CECR2: variants seen among roughly 807,000 people sequenced by gnomAD.
The protein encoded by CECR2 is CECR2 histone acetyl-lysine reader, also known as chromatin remodeling regulator CECR2.
Under a neutral mutation model 154.5 loss-of-function variants are expected in CECR2, and 30 were observed. That is an observed-to-expected ratio of 0.19 (90% CI 0.15 to 0.26). The LOEUF (loss-of-function observed/expected upper bound fraction) is 0.26, where lower values mean the gene tolerates loss of function less well. CECR2 is among the 10% of genes least tolerant of loss of function. CECR2 has a pLI of 1.00. For missense variants in CECR2, 1,743 were observed against 1,829.3 expected (o/e 0.95, Z 0.86); for synonymous variants, 725 against 683.7 (o/e 1.06, Z -0.94).
intron 1 of CECR2, among the ~76,000 whole-genome samples, chr22:17,416,598 T>C (rs1215467980): frequency 6.6e-6 from 1 of 152,108 alleles, no homozygotes; most frequent in African/African-American, 2.4e-5. Context: ...CTGTCTTGGG[T>C]TCAAGCAATT....
intron 1 of CECR2, among the ~76,000 whole-genome samples, chr22:17,390,237 G>T (rs560944894): frequency 6.6e-6 from 1 of 150,944 alleles, no homozygotes; most frequent in Non-Finnish European, 1.5e-5. Flanking sequence ...TCATTCTATT[G>T]ACGGTCCCTC....
intron 1 of CECR2, among the ~76,000 whole-genome samples, chr22:17,396,904 G>A (rs1194034090): frequency 1.3e-5 from 2 of 152,176 alleles, no homozygotes; most frequent in African/African-American, 2.4e-5. Context: ...GGATTTGAGA[G>A]TAGGAGACAG....
chr22:17,495,116 T>G (rs1002904280), intron 2 of CECR2, among the ~76,000 whole-genome samples: 8 of 152,230 alleles, frequency 5.3e-5, no homozygotes, highest in African/African-American at 1.9e-4. Context: ...AATTTTAAAA[T>G]GATACCAATA....
At chr22:17,376,056 C>CA (rs1230280211) in intron 1 of CECR2, among the ~76,000 whole-genome samples, 1 of 152,098 alleles carries the variant, frequency 6.6e-6, no homozygotes, top group Non-Finnish European at 1.5e-5. Flanking sequence ...TCTGCACCCT[C>CA]ACCAAGGAGG....
Position 17,495,104 on chromosome 22 carries a change from C to G in CECR2, c.222-2299C>G, listed in dbSNP as rs185403703. On this transcript the variant is annotated intron_variant, in intron 2 of 18. Coordinates refer to ENST00000262608, the MANE Select transcript of CECR2 (RefSeq NM_001290047.2). ...GATTATAAGTCAACATAGTAGTTGC[C>G]TAATTTTAAAATGATACCAATAACT... Among the ~76,000 whole-genome samples the G allele has an allele frequency of 1.6e-3, 250 of 152,268 alleles. 4 individuals carry two copies. The highest frequency in any genetic ancestry group is 4.0e-4 in the Non-Finnish European group (27 of 68,028).
chr22:17,506,225 A>G (rs55782745), intron 7 of CECR2, among the ~76,000 whole-genome samples: 1 of 151,850 alleles, frequency 6.6e-6, no homozygotes, highest in African/African-American at 2.4e-5. Flanking sequence ...CTGCAGCCTC[A>G]ATCTCCCAGG....
chr22:17,434,505 C>T lies in CECR2; in HGVS notation c.127-43083C>T, dbSNP rs555695774. ...GTGGCAGTACAGTAGGCCTTCTTCA[C>T]GGGCAACTTAAGTTAGTAGTCTAAC... On this transcript the variant is annotated intron_variant, in intron 1 of 18. Coordinates refer to ENST00000262608, the MANE Select transcript of CECR2 (RefSeq NM_001290047.2). 5.5e-4 allele frequency among the ~76,000 whole-genome samples: 83 copies of T among 152,264 alleles called. No individual in the cohort carries two copies. In the Middle Eastern group the frequency reaches 0.01, roughly 19 times the overall value.
At chr22:17,408,200 C>G (rs2054013657) in intron 1 of CECR2, among the ~76,000 whole-genome samples, 2 of 147,696 alleles carry the variant, frequency 1.4e-5, no homozygotes, top group African/African-American at 2.5e-5. Flanking sequence ...CTGTACCCCC[C>G]TCAGCCCCCT....
rs889223947 is a variant in CECR2 at position 17,430,254 on chromosome 22, C to T, written c.127-47334C>T. 3.9e-5 allele frequency among the ~76,000 whole-genome samples: 6 copies of T among 152,194 alleles called. No individual in the cohort carries two copies. The South Asian group carries it at 6.2e-4, about 16-fold the overall frequency. ...AGTACAGTTCTATATGAAAAATGCA[C>T]ATAACCTATACCCGCATTTGTTTAG... On this transcript the variant is annotated intron_variant, in intron 1 of 18. Coordinates refer to ENST00000262608, the MANE Select transcript of CECR2 (RefSeq NM_001290047.2).
intron 2 of CECR2, among the ~76,000 whole-genome samples, chr22:17,489,849 T>A (rs1333590540): frequency 3.9e-5 from 6 of 152,038 alleles, no homozygotes; most frequent in African/African-American, 1.4e-4. Flanking sequence ...TTCTCTTTTT[T>A]ATTTCCTCTG....
chr22:17,439,940 A>C (rs1184663470), intron 1 of CECR2, among the ~76,000 whole-genome samples: 2 of 152,196 alleles, frequency 1.3e-5, no homozygotes, highest in Non-Finnish European at 1.5e-5. Context: ...ATACCACTTG[A>C]CTTGGAGAGA....
chr22:17,402,827 G>A (rs1326004410), intron 1 of CECR2, among the ~76,000 whole-genome samples: 1 of 144,548 alleles, frequency 6.9e-6, no homozygotes, highest in Admixed American at 7.3e-5. Flanking sequence ...GCGCAATCTC[G>A]GCTCACTGCA....
chr22:17,372,722 C>G (rs1020734621), intron 1 of CECR2, among the ~76,000 whole-genome samples: 1 of 152,112 alleles, frequency 6.6e-6, no homozygotes, highest in Non-Finnish European at 1.5e-5. Flanking sequence ...CGAGCCGTAC[C>G]TGTTAGGCCA....
intron 1 of CECR2, among the ~76,000 whole-genome samples, chr22:17,441,556 T>C (rs1601362554): frequency 1.3e-5 from 2 of 152,276 alleles, no homozygotes; most frequent in East Asian, 1.9e-4. Context: ...CCGGGGGAGA[T>C]TGACTAGGGG....
intron 9 of CECR2, among the ~76,000 whole-genome samples, chr22:17,527,216 G>A (rs901975162): frequency 6.6e-6 from 1 of 152,230 alleles, no homozygotes; most frequent in African/African-American, 2.4e-5. Context: ...TCAGCACTTT[G>A]GGAGGCCAAG....
intron 1 of CECR2, among the ~76,000 whole-genome samples, chr22:17,457,120 C>T (rs1399003174): frequency 1.3e-5 from 2 of 152,208 alleles, no homozygotes; most frequent in South Asian, 4.1e-4. Context: ...TCCGCCCCCG[C>T]GGGTTCAAGC....
At chr22:17,489,681 C>T (rs1231704853) in intron 2 of CECR2, among the ~76,000 whole-genome samples, 3 of 152,082 alleles carry the variant, frequency 2.0e-5, no homozygotes, top group Admixed American at 6.5e-5. Context: ...TGGTCTTGAA[C>T]TCATGGCCTC....
chr22:17,413,495 G>T (rs2054097011), intron 1 of CECR2, among the ~76,000 whole-genome samples: 1 of 152,072 alleles, frequency 6.6e-6, no homozygotes, highest in Non-Finnish European at 1.5e-5. Flanking sequence ...GTTCAGACCT[G>T]GGGATCTTAG....
intron 1 of CECR2, among the ~76,000 whole-genome samples, chr22:17,391,464 G>C (rs2063325108): frequency 6.6e-6 from 1 of 152,230 alleles, no homozygotes; most frequent in Non-Finnish European, 1.5e-5. Context: ...CTTTGCCCAA[G>C]GTCTGGACCT....
Sources: allele counts gnomAD v4.1 joint callset (sites outside exome capture counted in the v4.1 genomes callset), GRCh38; gene constraint gnomAD v4.1.1; transcripts MANE v1.5; gene names NCBI Gene and HGNC (gene_info 2026-07-23, HGNC 2026-07-21).